The following LRRTM4 variants were observed in gnomAD, a reference collection of about 807,000 sequenced individuals.
The protein encoded by LRRTM4 is leucine-rich repeat transmembrane neuronal protein 4.
LRRTM4 carries 25 observed loss-of-function variants against 47.6 expected under a neutral mutation model. That is an observed-to-expected ratio of 0.53 (90% CI 0.38 to 0.73). LRRTM4 has a LOEUF of 0.73. Among genes scored for constraint, LRRTM4 ranks in the 30% least tolerant of loss-of-function variants. LRRTM4 has a pLI of 0.00. For synonymous variants in LRRTM4, 311 were observed against 269.5 expected, an observed-to-expected ratio of 1.15 and a Z score of -1.51; for missense variants, 638 against 713.4, an observed-to-expected ratio of 0.89 and a Z score of 1.20.
intron 3 of LRRTM4, among the ~76,000 whole-genome samples, chr2:76,808,299 G>A (rs531714852): frequency 1.2e-4 from 19 of 152,102 alleles, no homozygotes; most frequent in Admixed American, 2.6e-4. Flanking sequence ...GTGAGCCACC[G>A]CAGCTGGCCT....
chr2:76,846,332 C>A (rs1269808973), intron 3 of LRRTM4, among the ~76,000 whole-genome samples: 1 of 152,140 alleles, frequency 6.6e-6, no homozygotes, highest in East Asian at 1.9e-4. Context: ...TCACTTTCTT[C>A]AAGTTGCCCT....
intron 3 of LRRTM4, among the ~76,000 whole-genome samples, chr2:76,825,547 G>A (rs986966658): frequency 2.0e-5 from 3 of 151,642 alleles, no homozygotes; most frequent in Non-Finnish European, 4.4e-5. Flanking sequence ...AGGATATCTG[G>A]GGGTGATAGC....
intron 3 of LRRTM4, among the ~76,000 whole-genome samples, chr2:77,259,535 C>G (rs1675861173): frequency 6.6e-6 from 1 of 151,918 alleles, no homozygotes; most frequent in South Asian, 2.1e-4. Context: ...CGTGGGAAAT[C>G]TAAAAAGGAT....
At chr2:77,517,709 G>T in intron 3 of LRRTM4, 12 of 895,970 alleles carry the variant, frequency 1.3e-5, no homozygotes, top group Non-Finnish European at 1.6e-5. Context: ...AAAAAAAAAA[G>T]AAAGAAGCCT....
At chr2:76,796,981 A>G (rs1245924777) in intron 3 of LRRTM4, among the ~76,000 whole-genome samples, 4 of 152,134 alleles carry the variant, frequency 2.6e-5, no homozygotes, top group Admixed American at 6.5e-5. Context: ...GACCAAATCT[A>G]CATCTGATTG....
At chr2:77,128,395 C>CAGATAGATAGATAGATAGAT (rs59399563) in intron 3 of LRRTM4, among the ~76,000 whole-genome samples, 218 of 150,548 alleles carry the variant, frequency 1.4e-3, no homozygotes, top group African/African-American at 2.8e-3. Flanking sequence ...AATTCTGTAA[C>CAGATAGATAGATAGATAGAT]AGATAGATAG....
intron 3 of LRRTM4, among the ~76,000 whole-genome samples, chr2:77,398,424 G>A (rs1337813387): frequency 6.6e-6 from 1 of 151,792 alleles, no homozygotes; most frequent in African/African-American, 2.4e-5. Context: ...GCTGCATCTT[G>A]CAATCAAACA....
In LRRTM4 at chr2:77,137,393, G is replaced by A. The variant is rs530302925; in HGVS notation, c.1551+380925C>T. ...CAAACTAAGCTTCGTAAGTGAAGGA[G>A]AAATAAAATCCTTTACAGAAGAGCA... On this transcript the variant is annotated intron_variant, in intron 3 of 3. Coordinates refer to ENST00000409884, the MANE Select transcript of LRRTM4 (RefSeq NM_001134745.3). 5.9e-5 allele frequency among the ~76,000 whole-genome samples: 9 copies of A among 151,990 alleles called. 1 individual carries two copies. Among genetic ancestry groups the A allele is most frequent in the African/African-American group, 2.2e-4 (9 of 41,308 alleles).
At chr2:76,969,694 C>T (rs543203575) in intron 3 of LRRTM4, among the ~76,000 whole-genome samples, 26 of 151,914 alleles carry the variant, frequency 1.7e-4, no homozygotes, top group South Asian at 2.1e-4. Context: ...ATTATGATGA[C>T]GATGATTAAG....
intron 3 of LRRTM4, among the ~76,000 whole-genome samples, chr2:76,825,832 G>A (rs1188361437): frequency 6.6e-6 from 1 of 151,560 alleles, no homozygotes; most frequent in African/African-American, 2.4e-5. Context: ...GAAAGTGCTG[G>A]AAAAGAAAAA....
At chr2:77,270,173 A>C (rs1676154640) in intron 3 of LRRTM4, among the ~76,000 whole-genome samples, 1 of 152,202 alleles carries the variant, frequency 6.6e-6, no homozygotes, top group Non-Finnish European at 1.5e-5. Context: ...TTAATAAGTT[A>C]TGTATTTGGG....
At chr2:76,767,739 C>T (rs918285778) in intron 3 of LRRTM4, among the ~76,000 whole-genome samples, 14 of 152,092 alleles carry the variant, frequency 9.2e-5, no homozygotes, top group Non-Finnish European at 2.9e-5. Flanking sequence ...GTCCTGCTTC[C>T]CTTTTTCTCT....
At chr2:77,023,326 G>A (rs1467737351) in intron 3 of LRRTM4, among the ~76,000 whole-genome samples, 1 of 152,170 alleles carries the variant, frequency 6.6e-6, no homozygotes, top group Non-Finnish European at 1.5e-5. Flanking sequence ...CTGCCGCAAA[G>A]GTCTCTTGAT....
At chr2:77,217,512 T>A (rs1674490874) in intron 3 of LRRTM4, among the ~76,000 whole-genome samples, 1 of 134,758 alleles carries the variant, frequency 7.4e-6, no homozygotes, top group African/African-American at 2.8e-5. Flanking sequence ...ATAATATAAA[T>A]TGTGTTTGTA....
At chr2:77,125,205 C>G (rs908500638) in intron 3 of LRRTM4, among the ~76,000 whole-genome samples, 1 of 152,188 alleles carries the variant, frequency 6.6e-6, no homozygotes, top group Non-Finnish European at 1.5e-5. Context: ...TCACAAGCTT[C>G]TGTCTTCACA....
intron 3 of LRRTM4, among the ~76,000 whole-genome samples, chr2:76,980,099 AATAC>A (rs1473929641): frequency 3.3e-5 from 5 of 152,100 alleles, no homozygotes; most frequent in Non-Finnish European, 5.9e-5. Context: ...CTAAAATTAT[AATAC>A]ATAAACTAAA....
At chr2:76,873,797 A>G (rs1000286252) in intron 3 of LRRTM4, among the ~76,000 whole-genome samples, 1 of 151,652 alleles carries the variant, frequency 6.6e-6, no homozygotes, top group Non-Finnish European at 1.5e-5. Context: ...TGATAGATTG[A>G]TATCTCAATC....
At chr2:76,812,713 T>TTTC (rs1180449244) in intron 3 of LRRTM4, among the ~76,000 whole-genome samples, 9 of 142,316 alleles carry the variant, frequency 6.3e-5, no homozygotes, top group African/African-American at 1.6e-4. Flanking sequence ...TCTTTATTTC[T>TTTC]TTTTCTTTCT....
At chr2:77,080,479 A>G (rs1434639780) in intron 3 of LRRTM4, among the ~76,000 whole-genome samples, 1 of 152,146 alleles carries the variant, frequency 6.6e-6, no homozygotes, top group Non-Finnish European at 1.5e-5. Flanking sequence ...CCTTCTTGAC[A>G]TCTACCCTTG....
Sources: allele counts gnomAD v4.1 joint callset (sites outside exome capture counted in the v4.1 genomes callset), GRCh38; gene constraint gnomAD v4.1.1; transcripts MANE v1.5; gene names NCBI Gene and HGNC (gene_info 2026-07-23, HGNC 2026-07-21).